DGKG: variants seen among roughly 807,000 people sequenced by gnomAD.
The protein encoded by DGKG is DAG kinase gamma.
A neutral mutation model predicts 105.3 loss-of-function variants in DGKG; 78 were observed. The ratio of observed to expected loss-of-function variants is 0.74; its 90% CI spans 0.62 to 0.89. The LOEUF (loss-of-function observed/expected upper bound fraction) is 0.89, where lower values mean the gene tolerates loss of function less well. DGKG is among the 40% of genes least tolerant of loss of function. The pLI is 0.00. For missense variants in DGKG, 958 were observed against 1,020.1 expected, an observed-to-expected ratio of 0.94 and a Z score of 0.83; for synonymous variants, 346 against 367.1, an observed-to-expected ratio of 0.94 and a Z score of 0.66.
Position 186,353,512 on chromosome 3 carries a change from C to T in DGKG, c.-249+8434G>A, listed in dbSNP as rs572319324. ...TCAGCCTGGGTGACAGAGTGAGATC[C>T]CATCTCAAAAAAAAAAGTATATATA... On this transcript the variant is annotated intron_variant, in intron 1 of 24. Coordinates refer to ENST00000265022, the MANE Select transcript of DGKG (RefSeq NM_001346.3). Among the ~76,000 whole-genome samples, 4 of 147,006 alleles carry T rather than the reference C, an allele frequency of 2.7e-5. No homozygotes were observed. In the South Asian group the frequency reaches 6.4e-4, roughly 24 times the overall value.
At chr3:186,323,936 C>CAA (rs35989455) in intron 1 of DGKG, among the ~76,000 whole-genome samples, 45 of 71,944 alleles carry the variant, frequency 6.3e-4, no homozygotes, top group African/African-American at 1.1e-3. Context: ...GACTCCGTCT[C>CAA]AAAAAAAAAA....
At position 186,173,765 on chromosome 3, in the gene DGKG, G is replaced by A. The variant is rs924064607; in HGVS notation, c.2096-8747C>T. Among the ~76,000 whole-genome samples the A allele has an allele frequency of 1.7e-4, 26 of 152,362 alleles. No individual in the cohort carries two copies. The South Asian group carries it at 4.3e-3, about 25-fold the overall frequency. ...GAAAAAAGCCTAGGGGTGGGGAAAC[G>A]GAAAGAATCCCTAAAGACTGTTTCC... is the stretch of plus-strand genomic sequence containing the variant. On this transcript the variant is annotated intron_variant, in intron 22 of 24. Coordinates refer to ENST00000265022, the MANE Select transcript of DGKG (RefSeq NM_001346.3).
In DGKG at chr3:186,265,142, A is replaced by C. The variant is rs1721981874; in HGVS notation, c.1269+105T>G. On this transcript the variant is annotated intron_variant, in intron 14 of 24. Coordinates refer to ENST00000265022, the MANE Select transcript of DGKG (RefSeq NM_001346.3). ...GGGTGGTATAATTAGTCAGATGAGA[A>C]GGCAAATGCTGAGATGCTTTTCTGT... is the stretch of plus-strand genomic sequence containing the variant. The C allele has an allele frequency of 2.8e-6, 3 of 1,084,468 alleles. No individual in the cohort carries two copies. In the Admixed American group the frequency reaches 5.5e-5, roughly 20 times the overall value. 67.2% of individuals were successfully genotyped at this position (1,084,468 alleles called of 1,614,324 possible). A position where few individuals can be genotyped will look rare whatever the true frequency, so the allele number is the denominator to read the frequency against.
At chr3:186,252,018 G>T in intron 18 of DGKG, 99 bp from the exon 19 acceptor site, 1 of 1,133,764 alleles carries the variant, frequency 8.8e-7, no homozygotes, top group Non-Finnish European at 1.2e-6. Flanking sequence ...GGGCATCTGT[G>T]ACTATGGGAC....
At chr3:186,227,244 C>T (rs1408799435) in intron 20 of DGKG, among the ~76,000 whole-genome samples, 1 of 152,188 alleles carries the variant, frequency 6.6e-6, no homozygotes, top group Admixed American at 6.5e-5. Flanking sequence ...CCTTACAAAT[C>T]CCTGTAGTAA....
At chr3:186,237,987 T>C (rs1720495889) in intron 20 of DGKG, among the ~76,000 whole-genome samples, 1 of 152,124 alleles carries the variant, frequency 6.6e-6, no homozygotes, top group South Asian at 2.1e-4. Flanking sequence ...TTAACACTAT[T>C]GCTACACCTA....
chr3:186,232,467 T>C (rs1031974531), intron 20 of DGKG, among the ~76,000 whole-genome samples: 2 of 152,220 alleles, frequency 1.3e-5, no homozygotes, highest in African/African-American at 4.8e-5. Context: ...AAAGAAAAAT[T>C]AGTTTAAAAA....
intron 19 of DGKG, among the ~76,000 whole-genome samples, chr3:186,242,942 A>G (rs1010100189): frequency 6.6e-6 from 1 of 152,286 alleles, no homozygotes; most frequent in African/African-American, 2.4e-5. Flanking sequence ...GGGGCTGAGC[A>G]TGAGTCTCTG....
chr3:186,183,333 C>T (rs961512349), intron 22 of DGKG, among the ~76,000 whole-genome samples: 2 of 152,174 alleles, frequency 1.3e-5, no homozygotes, highest in African/African-American at 4.8e-5. Flanking sequence ...TGGGTATAAC[C>T]TTGCTCATGG....
Position 186,304,814 on chromosome 3 carries a change from A to G in DGKG, c.144+2087T>C, listed in dbSNP as rs151126394. Among the ~76,000 whole-genome samples, 566 of 152,298 alleles carry G rather than the reference A, an allele frequency of 3.7e-3. 3 individuals carry two copies. Among genetic ancestry groups the G allele is most frequent in the Admixed American group, 6.7e-3 (102 of 15,292 alleles). On this transcript the variant is annotated intron_variant, in intron 3 of 24. Coordinates refer to ENST00000265022, the MANE Select transcript of DGKG (RefSeq NM_001346.3). ...TCAAAGATATGAAATATTATTCAAG[A>G]CCACTTGTTGATGGCAGAGGTAGAA...
chr3:186,161,985 C>T (rs772261399), intron 23 of DGKG, among the ~76,000 whole-genome samples: 1 of 152,144 alleles, frequency 6.6e-6, no homozygotes, highest in Non-Finnish European at 1.5e-5. Flanking sequence ...ACCTCTGCCT[C>T]CCGGATTCAA....
chr3:186,269,955 T>C (rs932149236), intron 11 of DGKG, among the ~76,000 whole-genome samples: 4 of 152,118 alleles, frequency 2.6e-5, no homozygotes, highest in African/African-American at 9.7e-5. Context: ...CCTGGAATTC[T>C]CACCAAAATT....
intron 15 of DGKG, 34 bp from the exon 16 acceptor site, chr3:186,260,547 GAGAC>G: frequency 1.4e-6 from 2 of 1,412,730 alleles, no homozygotes; most frequent in Non-Finnish European, 2.0e-6. Context: ...GGGAGAGAGA[GAGAC>G]AGAGAAGGAA....
At chr3:186,339,200 T>A (rs77262812) in intron 1 of DGKG, among the ~76,000 whole-genome samples, 2,980 of 152,326 alleles carry the variant, frequency 0.02, 96 homozygotes, top group African/African-American at 0.068. Flanking sequence ...TTTAAAATAC[T>A]CTGCTAGGAG....
chr3:186,309,356 G>C (rs1023203517), intron 2 of DGKG, among the ~76,000 whole-genome samples: 1 of 152,232 alleles, frequency 6.6e-6, no homozygotes, highest in African/African-American at 2.4e-5. Flanking sequence ...TTTGTGGCTA[G>C]ATTTGTGGGG....
chr3:186,205,050 A>C (rs1242773224), intron 21 of DGKG, among the ~76,000 whole-genome samples: 1 of 152,094 alleles, frequency 6.6e-6, no homozygotes, highest in Non-Finnish European at 1.5e-5. Context: ...TGAGGTCAGG[A>C]GTTCAAGACC....
chr3:186,189,756 A>T (rs1717816819), intron 21 of DGKG, among the ~76,000 whole-genome samples: 1 of 152,214 alleles, frequency 6.6e-6, no homozygotes, highest in Non-Finnish European at 1.5e-5. Context: ...ACAAGATGGC[A>T]TACAGTGAGC....
chr3:186,335,740 T>A (rs1304625165), intron 1 of DGKG, among the ~76,000 whole-genome samples: 2 of 152,214 alleles, frequency 1.3e-5, no homozygotes, highest in Non-Finnish European at 2.9e-5. Context: ...TTTAGTTCTA[T>A]AAGTTTATCT....
Position 186,211,756 on chromosome 3 carries a change from C to A in DGKG, c.1917+39G>T, listed in dbSNP as rs770451943. On this transcript the variant is annotated intron_variant, in intron 21 of 24. Coordinates refer to ENST00000265022, the MANE Select transcript of DGKG (RefSeq NM_001346.3). ...CATGTGTGACAGTCCAGGAGCAGAA[C>A]CAAGATCCAGGAAGCCTTCTCCCCA... 9 of 1,487,810 alleles carry A rather than the reference C, an allele frequency of 6.0e-6. No homozygotes were observed. The East Asian group carries it at 2.0e-4, about 34-fold the overall frequency. The allele number at this position is 1,487,810 out of a possible 1,614,324, so 92.2% of individuals were successfully genotyped here.
Sources: gnomAD v4.1 joint callset for allele counts (sites outside exome capture counted in the v4.1 genomes callset) on GRCh38, gnomAD v4.1.1 for gene constraint, MANE v1.5 for transcripts, NCBI Gene and HGNC (gene_info 2026-07-23, HGNC 2026-07-21) for gene names.